Variants in WDR87 observed in about 807,000 individuals in gnomAD.
WDR87 encodes WD repeat-containing protein 87.
A neutral mutation model predicts 83.3 loss-of-function variants in WDR87; 56 were observed. That is an observed-to-expected ratio of 0.67 (90% CI 0.54 to 0.84). The LOEUF is 0.84. Among genes scored for constraint, WDR87 ranks in the 40% least tolerant of loss-of-function variants. The pLI, the probability that WDR87 is intolerant of heterozygous loss-of-function variation, is 0.00. For synonymous variants in WDR87, 1,173 were observed against 1,250.6 expected (o/e 0.94, Z 1.31); for missense variants, 2,939 against 3,431.9 (o/e 0.86, Z 3.59).
chr19:37,887,108 T>C lies in WDR87; in HGVS notation c.6563A>G (p.Lys2188Arg). The C allele has an allele frequency of 1.3e-6, 2 of 1,550,178 alleles. No homozygotes were observed. The highest frequency in any genetic ancestry group is 1.7e-6 in the Non-Finnish European group (2 of 1,146,744). ...TTCTTTGTTTATCATTCTTCTCATT[T>C]TGTTGGCCAGTTTTCTCTGCTTCCG... Reference protein sequence around the residue: ...LARKQRKLANKMRRMINKEEK... With the variant: ...LARKQRKLANRMRRMINKEEK... Residue 2188 changes from lysine to arginine, a missense_variant, in exon 6 of 6, where the codon AAA becomes AGA. Lys to Arg is a conservative substitution (Grantham distance 26). Around this residue, in one of 3 missense-constraint regions of WDR87, gnomAD observed 2,160 missense variants for 2,533.1 expected, o/e 0.85. Coordinates refer to ENST00000447313, the MANE Select transcript of WDR87 (RefSeq NM_001291088.2).
intron 1 of WDR87, among the ~76,000 whole-genome samples, chr19:37,901,954 G>C (rs187534089): frequency 6.6e-6 from 1 of 151,948 alleles, no homozygotes; most frequent in Non-Finnish European, 1.5e-5. Context: ...GGGCTCAAGC[G>C]ATCCACCTGC....
In WDR87 at chr19:37,889,970, T is replaced by C. The variant is rs372619666; in HGVS notation, c.3701A>G (p.Lys1234Arg). ...ATTTATAACTTTGGCTTCTTTTCCC[T>C]TCTTTTTGTGCTTCTTTTTGAGTTT... is the stretch of plus-strand genomic sequence containing the variant. ...AQKLKKKHKK[K>R]GKEAKVINEE... Residue 1234 changes from lysine to arginine, a missense_variant, in exon 6 of 6, where the codon AAG (lysine) becomes AGG (arginine). Physicochemically the swap from Lys to Arg is conservative, Grantham distance 26. Around this residue, in one of 3 missense-constraint regions of WDR87, gnomAD observed 2,160 missense variants for 2,533.1 expected, o/e 0.85. Transcript: ENST00000447313. The C allele has an allele frequency of 6.4e-7, 1 of 1,551,726 alleles. No individual in the cohort carries two copies. Among genetic ancestry groups the C allele is most frequent in the South Asian group, 1.2e-5 (1 of 84,058 alleles).
In WDR87 at chr19:37,894,100, G is replaced by A. The variant is rs12104280; in HGVS notation, c.1603C>T (p.His535Tyr). 7.4e-4 allele frequency: 1,141 copies of A among 1,552,318 alleles called. 8 individuals carry two copies. In the African/African-American group the frequency reaches 0.012, roughly 16 times the overall value. ...CCATCAAGCACAGCTTCTGACAGGTGCACATAGTCATCCATTCCATAGGAA... is the reference window on the plus strand; with the variant it reads ...CCATCAAGCACAGCTTCTGACAGGTACACATAGTCATCCATTCCATAGGAA... ...LCSYGMDDYV[H>Y]LSEAVLDGVK... The change falls in exon 4 of 6, where the codon CAC becomes TAC. Residue 535 changes from histidine (H) to tyrosine (Y), a missense_variant. Physicochemically the swap from His to Tyr is moderately conservative, Grantham distance 83. Around this residue, in one of 3 missense-constraint regions of WDR87, gnomAD observed 553 missense variants for 577.9 expected, o/e 0.96. Transcript: ENST00000447313.
At chr19:37,906,179 T>C (rs2046326923) in intron 1 of WDR87, among the ~76,000 whole-genome samples, 1 of 152,154 alleles carries the variant, frequency 6.6e-6, no homozygotes, top group South Asian at 2.1e-4. Flanking sequence ...GCAATATACC[T>C]TAAAAAAGGA....
chr19:37,888,048 T>C lies in WDR87; in HGVS notation c.5623A>G (p.Lys1875Glu). The change falls in exon 6 of 6, where the codon AAG (lysine) becomes GAG (glutamate). Residue 1875 changes from lysine to glutamate, a missense_variant. By Grantham distance (56) the Lys-to-Glu change is moderately conservative. Around this residue, in one of 3 missense-constraint regions of WDR87, gnomAD observed 2,160 missense variants for 2,533.1 expected, o/e 0.85. Coordinates refer to ENST00000447313, the MANE Select transcript of WDR87 (RefSeq NM_001291088.2). ...LTKNKMILYQ[K>E]KNLAQEKKNL... ...TTCTTTTCCTGAGCCAGATTCTTCTTCTGGTACAGTATCATCTTGTTCTTT... is the reference window on the plus strand; with the variant it reads ...TTCTTTTCCTGAGCCAGATTCTTCTCCTGGTACAGTATCATCTTGTTCTTT... 2.6e-6 allele frequency: 4 copies of C among 1,551,670 alleles called. No individual in the cohort carries two copies. The highest frequency in any genetic ancestry group is 3.5e-6 in the Non-Finnish European group (4 of 1,147,014).
chr19:37,885,542 C>T lies in WDR87; in HGVS notation c.8129G>A (p.Arg2710Lys). The T allele has an allele frequency of 6.4e-7, 1 of 1,551,726 alleles. No individual in the cohort carries two copies. Among genetic ancestry groups the T allele is most frequent in the Non-Finnish European group, 8.7e-7 (1 of 1,147,006 alleles). Residue 2710 changes from arginine to lysine, a missense_variant, in exon 6 of 6, where the codon AGA becomes AAA. Transcript: ENST00000447313. ...GGCATGGGCACTTGGAAAAATGTCT[C>T]TGGTGGCAGGATAAAAGTATTGCAT... is the stretch of plus-strand genomic sequence containing the variant. ...MEMQYFYPATRDIFPSAHASV... is the reference protein window; with the variant it reads ...MEMQYFYPATKDIFPSAHASV...
At position 37,896,320 on chromosome 19, in the gene WDR87, C is replaced by T. The variant is rs1484558604; in HGVS notation, c.76-12G>A. ...TCTTCCGAAGGTTGCTGGAGAGAGG[C>T]GTGGCATAAACTAAGAGGCCAGGGC... On this transcript the variant is annotated splice_polypyrimidine_tract_variant and intron_variant, in intron 2 of 5. Transcript: ENST00000447313. 5.2e-6 allele frequency: 8 copies of T among 1,550,360 alleles called. No homozygotes were observed. Among genetic ancestry groups the T allele is most frequent in the East Asian group, 4.9e-5 (2 of 40,904 alleles).
At position 37,890,149 on chromosome 19, in the gene WDR87, G is replaced by A. The variant is rs769535176; in HGVS notation, c.3522C>T (p.Ser1174=). ...TGCTTGAAGACCATTGGGAATAGAC[G>A]GATGCTTCCTCCATCTCAATTGGTG... The part of the protein sequence containing the change: ...EAAPIEMEEA[S]VYSQWSSSTS... Residue 1174 remains serine, a synonymous_variant, in exon 6 of 6, where the codon TCC becomes TCT. Coordinates refer to ENST00000447313, the MANE Select transcript of WDR87 (RefSeq NM_001291088.2). The A allele has an allele frequency of 1.9e-5, 30 of 1,551,750 alleles. No homozygotes were observed. Among genetic ancestry groups the A allele is most frequent in the Non-Finnish European group, 2.5e-5 (29 of 1,147,038 alleles).
Position 37,884,907 on chromosome 19 carries a change from G to T in WDR87, c.*25C>A. On this transcript the variant is annotated 3_prime_UTR_variant, in exon 6 of 6. Transcript: ENST00000447313. ...GCCTTTCTCCAGTTGGCAATGAAAAGTCCCAGCCTCCAGTCAGTCCCAAAT... is the reference window on the plus strand; with the variant it reads ...GCCTTTCTCCAGTTGGCAATGAAAATTCCCAGCCTCCAGTCAGTCCCAAAT... 1.6e-6 allele frequency: 2 copies of T among 1,275,626 alleles called. No individual in the cohort carries two copies. The highest frequency in any genetic ancestry group is 2.0e-6 in the Non-Finnish European group (2 of 1,003,346). 79.0% of individuals were successfully genotyped at this position (1,275,626 alleles called of 1,614,324 possible).
chr19:37,889,860 G>A lies in WDR87; in HGVS notation c.3811C>T (p.Arg1271Cys), dbSNP rs533570505. The A allele has an allele frequency of 8.2e-5, 128 of 1,551,672 alleles. 1 individual carries two copies. Among genetic ancestry groups the A allele is most frequent in the South Asian group, 7.5e-4 (63 of 84,060 alleles). ...GAGCCATCTCCAGCGGTTGACCTGC[G>A]GCCAGATATTCCAGAGGCTCCCCGC... ...QGRGASGISG[R>C]RSTAGDGSSW... The change falls in exon 6 of 6, where the codon CGC becomes TGC. Residue 1271 changes from arginine to cysteine, a missense_variant. Around this residue, in one of 3 missense-constraint regions of WDR87, gnomAD observed 2,160 missense variants for 2,533.1 expected, o/e 0.85. Coordinates refer to ENST00000447313, the MANE Select transcript of WDR87 (RefSeq NM_001291088.2).
rs1828054071 is a variant in WDR87, at chr19:37,888,544, C to T, written c.5127G>A (p.Glu1709=). The stretch of plus-strand genomic sequence containing the variant: ...GTTTCTCTTCTTCTCTAGCCACTTT[C>T]TCCCATTTCTTGGCCAGTTTCTTCC... ...QKRKKLAKKW[E]KVAREEEKLA... Residue 1709 remains glutamate (E), a synonymous_variant, in exon 6 of 6, where the codon GAG becomes GAA. Transcript: ENST00000447313. 1.3e-6 allele frequency: 2 copies of T among 1,551,830 alleles called. No homozygotes were observed. The highest frequency in any genetic ancestry group is 8.7e-7 in the Non-Finnish European group (1 of 1,147,032).
rs1196535513 is a variant in WDR87 at position 37,888,867 on chromosome 19, C to T, written c.4804G>A (p.Glu1602Lys). The T allele has an allele frequency of 5.8e-6, 9 of 1,552,044 alleles. No individual in the cohort carries two copies. The highest frequency in any genetic ancestry group is 7.8e-6 in the Non-Finnish European group (9 of 1,147,068). ...EGEEKEQQVT[E>K]EQRHIQEEHK... ...TCTTCTTGGATGTGTCTCTGCTCTTCTGTGACCTGCTGTTCTTTTTCTTCC... is the reference window on the plus strand; with the variant it reads ...TCTTCTTGGATGTGTCTCTGCTCTTTTGTGACCTGCTGTTCTTTTTCTTCC... Residue 1602 changes from glutamate (E) to lysine (K), a missense_variant, in exon 6 of 6, where the codon GAA becomes AAA. This residue lies in a region of WDR87 where 2,160 missense variants were observed against 2,533.1 expected (regional missense o/e 0.85). Transcript: ENST00000447313.
chr19:37,885,364 C>T lies in WDR87; in HGVS notation c.8307G>A (p.Val2769=). Residue 2769 remains valine (V), a synonymous_variant, in exon 6 of 6, where the codon GTG becomes GTA. Transcript: ENST00000447313. The part of the protein sequence containing the change: ...KEELPLWETF[V]ALYHVLRMLQ... ...GCATCCGCAAAACATGGTACAGTGC[C>T]ACAAATGTCTCCCACAAAGGCAACT... 2 of 1,551,754 alleles carry T rather than the reference C, an allele frequency of 1.3e-6. No homozygotes were observed. The highest frequency in any genetic ancestry group is 1.7e-6 in the Non-Finnish European group (2 of 1,147,008).
At position 37,886,329 on chromosome 19, in the gene WDR87, G is replaced by C; in HGVS notation, c.7342C>G (p.Pro2448Ala). Residue 2448 changes from proline (P) to alanine (A), a missense_variant, in exon 6 of 6, where the codon CCG (proline) becomes GCG (alanine). Around this residue, in one of 3 missense-constraint regions of WDR87, gnomAD observed 2,160 missense variants for 2,533.1 expected, o/e 0.85. Coordinates refer to ENST00000447313, the MANE Select transcript of WDR87 (RefSeq NM_001291088.2). ...TCTTCCCAGGATATTTGTTTCTCCGGCACTGGCACTGGTGTTTTCTCTTTC... is the reference window on the plus strand; with the variant it reads ...TCTTCCCAGGATATTTGTTTCTCCGCCACTGGCACTGGTGTTTTCTCTTTC... ...EMKEKTPVPV[P>A]EKQISWEDKK... 1 of 1,551,510 alleles carries C rather than the reference G, an allele frequency of 6.4e-7. No individual in the cohort carries two copies.
intron 3 of WDR87, 77 bp from the exon 4 acceptor site, chr19:37,895,533 C>G (rs1207621696): frequency 1.3e-5 from 18 of 1,365,066 alleles, no homozygotes; most frequent in Non-Finnish European, 1.8e-5. Flanking sequence ...TTTGGGAGGC[C>G]GAGGCGGGTG....
chr19:37,903,978 C>T (rs79165742), intron 1 of WDR87, among the ~76,000 whole-genome samples: 2 of 150,196 alleles, frequency 1.3e-5, no homozygotes, highest in African/African-American at 2.4e-5. Context: ...GCGCCATCTC[C>T]GCTCACTACA....
chr19:37,889,684 G>C lies in WDR87; in HGVS notation c.3987C>G (p.Ile1329Met). The C allele has an allele frequency of 1.9e-6, 3 of 1,551,754 alleles. No individual in the cohort carries two copies. Among genetic ancestry groups the C allele is most frequent in the Non-Finnish European group, 2.6e-6 (3 of 1,147,034 alleles). Residue 1329 changes from isoleucine to methionine, a missense_variant, in exon 6 of 6, where the codon ATC becomes ATG. By Grantham distance (10) the Ile-to-Met change is conservative. Coordinates refer to ENST00000447313, the MANE Select transcript of WDR87 (RefSeq NM_001291088.2). ...TACTTTCTTTCTTCAATAGGGGGCA[G>C]ATCTCCTGAAAGAGTTCCCAGCTGG... The part of the protein sequence containing the change: ...RHPSWELFQE[I>M]CPLLKKESKV...
At position 37,885,398 on chromosome 19, in the gene WDR87, T is replaced by G; in HGVS notation, c.8273A>C (p.Lys2758Thr). ...LEKKTQPISK[K>T]KEELPLWETF... ...CTCCCACAAAGGCAACTCTTCCTTT[T>G]TTTTAGAAATGGGCTGTGTCTTCTT... Residue 2758 changes from lysine (K) to threonine (T), a missense_variant, in exon 6 of 6, where the codon AAA (lysine) becomes ACA (threonine). Physicochemically the swap from Lys to Thr is moderately conservative, Grantham distance 78 (BLOSUM62 -1). Transcript: ENST00000447313. 1 of 1,551,910 alleles carries G rather than the reference T, an allele frequency of 6.4e-7. No homozygotes were observed. Among genetic ancestry groups the G allele is most frequent in the Non-Finnish European group, 8.7e-7 (1 of 1,147,042 alleles).
Position 37,892,615 on chromosome 19 carries a change from G to A in WDR87, c.3088C>T (p.Gln1030Ter), listed in dbSNP as rs1394084203. 1 of 1,523,232 alleles carries A rather than the reference G, an allele frequency of 6.6e-7. No individual in the cohort carries two copies. Among genetic ancestry groups the A allele is most frequent in the Admixed American group, 2.1e-5 (1 of 48,064 alleles). The allele number at this position is 1,523,232 out of a possible 1,614,324, so 94.4% of individuals were successfully genotyped here. ...IGIHSRTSLL[Q>*]LTQKQETFRE... ...AAAGTCTCTTGTTTTTGGGTCAGCTGTAAGAGTGAGGTCCTAGAGTGGATT... is the reference window on the plus strand; with the variant it reads ...AAAGTCTCTTGTTTTTGGGTCAGCTATAAGAGTGAGGTCCTAGAGTGGATT... Residue 1030 changes from glutamine to a stop codon, truncating the protein, a stop_gained, in exon 4 of 6, where the codon CAG (glutamine) becomes TAG (stop). Transcript: ENST00000447313. LOFTEE classifies it high-confidence loss of function.
Sources: gnomAD v4.1 joint callset for allele counts (sites outside exome capture counted in the v4.1 genomes callset) on GRCh38, gnomAD v4.1.1 for gene constraint, gnomAD v4.1.1 regional missense constraint, MANE v1.5 for transcripts, NCBI Gene and HGNC (gene_info 2026-07-23, HGNC 2026-07-21) for gene names.